The following PDE1C variants were observed in gnomAD, a reference collection of about 807,000 sequenced individuals.
PDE1C encodes the protein dual specificity calcium/calmodulin-dependent 3',5'-cyclic nucleotide phosphodiesterase 1C.
A neutral mutation model predicts 93.1 loss-of-function variants in PDE1C; 62 were observed. The observed-to-expected ratio is 0.67, with a 90% CI of 0.54 to 0.82. The LOEUF is 0.82. Among genes scored for constraint, PDE1C ranks in the 40% least tolerant of loss-of-function variants. The probability of loss-of-function intolerance (pLI) is 0.00; values close to 1 mark genes in which losing one functional copy is unlikely to be tolerated. For missense variants in PDE1C, 742 were observed against 884.6 expected, an observed-to-expected ratio of 0.84 and a Z score of 2.04; for synonymous variants, 325 against 310.1, an observed-to-expected ratio of 1.05 and a Z score of -0.50.
chr7:31,919,841 G>T (rs892467279), intron 2 of PDE1C, among the ~76,000 whole-genome samples: 1 of 152,148 alleles, frequency 6.6e-6, no homozygotes, highest in Non-Finnish European at 1.5e-5. Flanking sequence ...TGACATCTGG[G>T]CATCCACGCC....
the PDE1C span, among the ~76,000 whole-genome samples, chr7:31,725,717 G>C: frequency 6.6e-6 from 1 of 152,010 alleles, no homozygotes; most frequent in Non-Finnish European, 1.5e-5. Flanking sequence ...CTGGGTGAAG[G>C]GTATATGGGA....
intron 3 of PDE1C, among the ~76,000 whole-genome samples, chr7:32,109,507 G>A (rs774598402): frequency 4.6e-5 from 7 of 152,148 alleles, no homozygotes; most frequent in Non-Finnish European, 7.4e-5. Flanking sequence ...GGGCTGTCCT[G>A]TGCATTGTAG....
In PDE1C at chr7:31,838,060, A is replaced by C. The variant is rs1562894893; in HGVS notation, c.981-89T>G. 72 of 805,338 alleles carry C rather than the reference A, an allele frequency of 8.9e-5. No individual in the cohort carries two copies. In the South Asian group the frequency reaches 1.0e-3, roughly 11 times the overall value. The allele number at this position is 805,338 out of a possible 1,614,324, so 49.9% of individuals were successfully genotyped here. A position where few individuals can be genotyped will look rare whatever the true frequency, so the allele number is the denominator to read the frequency against. ...TTTTTTTTTGCCACTGCTAATGAAA[A>C]TCAGTCAACGATTTCTGACATTTCT... On this transcript the variant is annotated intron_variant, in intron 9 of 17. Transcript: ENST00000396191.
chr7:31,749,755 T>TTTTG (rs1794083050), downstream of PDE1C, among the ~76,000 whole-genome samples: 1 of 149,804 alleles, frequency 6.7e-6, no homozygotes, highest in Admixed American at 6.7e-5. Flanking sequence ...TTTTTTTATT[T>TTTTG]GAGACAGAGT....
intron 1 of PDE1C, among the ~76,000 whole-genome samples, chr7:32,386,385 C>T (rs1160527031): frequency 1.3e-5 from 1 of 75,126 alleles, no homozygotes; most frequent in African/African-American, 5.2e-5. Context: ...GCCTGGTTCT[C>T]CTCACTCAAA....
At chr7:31,804,756 A>G (rs932002785) in intron 16 of PDE1C, among the ~76,000 whole-genome samples, 4 of 151,858 alleles carry the variant, frequency 2.6e-5, no homozygotes, top group African/African-American at 9.7e-5. Flanking sequence ...TAAGTAATAT[A>G]AAGGTACTTA....
intron 2 of PDE1C, among the ~76,000 whole-genome samples, chr7:31,887,874 T>C (rs754663266): frequency 4.6e-5 from 7 of 152,094 alleles, no homozygotes; most frequent in Non-Finnish European, 7.4e-5. Flanking sequence ...AGGTCAAAGG[T>C]TAAATCACAA....
upstream of PDE1C, chr7:32,071,162 C>T (rs115695567): frequency 4.1e-3 from 4,019 of 985,420 alleles, 149 homozygotes; most frequent in African/African-American, 0.065. Context: ...GCAGCCGCGG[C>T]CACCACCGAC....
At chr7:32,358,832 C>A (rs1036862627) in intron 1 of PDE1C, among the ~76,000 whole-genome samples, 45 of 135,554 alleles carry the variant, frequency 3.3e-4, no homozygotes, top group African/African-American at 1.2e-3. Context: ...ATCTCCCTCT[C>A]CTGCTTTATT....
At chr7:32,058,747 G>T (rs1794435066) in intron 1 of PDE1C, among the ~76,000 whole-genome samples, 1 of 152,144 alleles carries the variant, frequency 6.6e-6, no homozygotes, top group Non-Finnish European at 1.5e-5. Context: ...ATGCTAATGA[G>T]AAAAATATAT....
chr7:32,185,706 C>T (rs1803805914), intron 2 of PDE1C, among the ~76,000 whole-genome samples: 1 of 152,148 alleles, frequency 6.6e-6, no homozygotes. Flanking sequence ...TCTTCTCTGT[C>T]TACTTTCTAG....
At chr7:31,647,710 A>AGAC in the PDE1C span, among the ~76,000 whole-genome samples, 4 of 149,668 alleles carry the variant, frequency 2.7e-5, no homozygotes, top group Non-Finnish European at 4.5e-5. Flanking sequence ...AGGAAGAAGA[A>AGAC]GACGATGACG....
At chr7:31,674,421 C>T in the PDE1C span, among the ~76,000 whole-genome samples, 9 of 151,764 alleles carry the variant, frequency 5.9e-5, no homozygotes, top group Admixed American at 4.6e-4. Flanking sequence ...ATTTACATAA[C>T]GAAATGTTAG....
intron 2 of PDE1C, 70 bp from the exon 3 acceptor site, chr7:31,880,930 T>C (rs1179431976): frequency 4.2e-6 from 4 of 950,020 alleles, no homozygotes; most frequent in South Asian, 4.1e-5. Flanking sequence ...ACTATGGTGA[T>C]ACATTTTACA....
chr7:31,994,073 T>G (rs1784442528), intron 2 of PDE1C, among the ~76,000 whole-genome samples: 1 of 152,112 alleles, frequency 6.6e-6, no homozygotes, highest in African/African-American at 2.4e-5. Flanking sequence ...CATTTTCCTG[T>G]ATTTCCTGAG....
intron 1 of PDE1C, among the ~76,000 whole-genome samples, chr7:32,260,176 A>G (rs1332299079): frequency 2.0e-5 from 3 of 152,220 alleles, no homozygotes; most frequent in African/African-American, 7.2e-5. Context: ...AAAGTCTACG[A>G]AAATGAGAGT....
intron 3 of PDE1C, among the ~76,000 whole-genome samples, chr7:32,141,985 C>T (rs757965515): frequency 1.3e-5 from 2 of 152,116 alleles, no homozygotes; most frequent in Non-Finnish European, 2.9e-5. Context: ...AAATAGCTGG[C>T]CTTTTTTTAG....
chr7:32,186,913 T>G (rs1803922792), intron 2 of PDE1C, among the ~76,000 whole-genome samples: 1 of 152,168 alleles, frequency 6.6e-6, no homozygotes, highest in Non-Finnish European at 1.5e-5. Flanking sequence ...ACGGCATCCC[T>G]CCTTCATCGA....
At chr7:32,393,650 A>G (rs980832372) in intron 1 of PDE1C, among the ~76,000 whole-genome samples, 2 of 152,206 alleles carry the variant, frequency 1.3e-5, no homozygotes, top group Non-Finnish European at 2.9e-5. Context: ...CTTCAATTCT[A>G]GGAGCCTAAA....
Sources: allele counts gnomAD v4.1 joint callset (sites outside exome capture counted in the v4.1 genomes callset), GRCh38; gene constraint gnomAD v4.1.1; transcripts MANE v1.5; gene names NCBI Gene and HGNC (gene_info 2026-07-23, HGNC 2026-07-21).